Variants in NCOA2 observed in about 807,000 individuals in gnomAD.
The protein encoded by NCOA2 is nuclear receptor coactivator 2, also known as class E basic helix-loop-helix protein 75.
In NCOA2, 21 loss-of-function variants were observed where a neutral mutation model predicts 145.1. The observed-to-expected ratio is 0.14, with a 90% CI of 0.10 to 0.21. The LOEUF (loss-of-function observed/expected upper bound fraction) is 0.21. Among genes scored for constraint, NCOA2 ranks in the 10% least tolerant of loss-of-function variants. The probability of loss-of-function intolerance (pLI) is 1.00; values close to 1 mark genes in which losing one functional copy is unlikely to be tolerated. For synonymous variants in NCOA2, 619 were observed against 637.5 expected, an observed-to-expected ratio of 0.97 and a Z score of 0.44; for missense variants, 1,472 against 1,837.6, an observed-to-expected ratio of 0.80 and a Z score of 3.64.
At chr8:70,436,352 G>A in the NCOA2 span, among the ~76,000 whole-genome samples, 2 of 152,098 alleles carry the variant, frequency 1.3e-5, no homozygotes, top group African/African-American at 2.4e-5. Flanking sequence ...GTGAAAGTTG[G>A]TCAGGTATAA....
At position 70,139,468 on chromosome 8, in the gene NCOA2, A is replaced by G. The variant is rs528902348; in HGVS notation, c.3029-1136T>C. Among the ~76,000 whole-genome samples the G allele has an allele frequency of 3.9e-5, 6 of 152,298 alleles. No individual in the cohort carries two copies. In the South Asian group the frequency reaches 1.2e-3, roughly 32 times the overall value. ...TTAGCATTTTTCGTGCTGTCAAATT[A>G]TACAAATTTATGTTTGAGAATCACT... On this transcript the variant is annotated intron_variant, in intron 14 of 22. Transcript: ENST00000452400.
chr8:70,210,503 T>A lies in NCOA2; in HGVS notation c.259+3400A>T, dbSNP rs73289286. On this transcript the variant is annotated intron_variant, in intron 4 of 22. Coordinates refer to ENST00000452400, the MANE Select transcript of NCOA2 (RefSeq NM_006540.4). ...GTTTCTACAAAGTCCATTCCACAGT[T>A]AATGCTCTTGGAGGGCTAGCGTTTA... Among the ~76,000 whole-genome samples, 915 of 152,328 alleles carry A rather than the reference T, an allele frequency of 6.0e-3. 8 individuals carry two copies. Among genetic ancestry groups the A allele is most frequent in the African/African-American group, 0.021 (885 of 41,568 alleles).
chr8:70,156,647 G>A lies in NCOA2; in HGVS notation c.1718C>T (p.Pro573Leu), dbSNP rs777620838. Residue 573 changes from proline to leucine, a missense_variant, in exon 11 of 23, where the codon CCA (proline) becomes CTA (leucine). Transcript: ENST00000452400. ...GTCCAAGCTTCCCATCTTGCTGAGTGGGGGAGGATTCATATTAACTGGGGA... is the reference window on the plus strand; with the variant it reads ...GTCCAAGCTTCCCATCTTGCTGAGTAGGGGAGGATTCATATTAACTGGGGA... ...QNSPVNMNPP[P>L]LSKMGSLDSK... The A allele has an allele frequency of 2.5e-6, 4 of 1,613,950 alleles. No homozygotes were observed. Among genetic ancestry groups the A allele is most frequent in the Non-Finnish European group, 3.4e-6 (4 of 1,179,890 alleles).
chr8:70,250,433 G>C (rs888894957), intron 2 of NCOA2, among the ~76,000 whole-genome samples: 3 of 149,572 alleles, frequency 2.0e-5, no homozygotes, highest in Non-Finnish European at 4.4e-5. Context: ...TCAGCCGAGC[G>C]TGGTGGCACG....
At position 70,367,256 on chromosome 8, in the gene NCOA2, T is replaced by A. The variant is rs370752381; in HGVS notation, c.-77+36444A>T. On this transcript the variant is annotated intron_variant, in intron 1 of 22. Transcript: ENST00000452400. ...ATTTCCTTCTATAATGCTGACCTTG[T>A]TTAAGTTTGCATTTCATGAAAAGAC... 5.3e-5 allele frequency among the ~76,000 whole-genome samples: 8 copies of A among 152,336 alleles called. No homozygotes were observed. In the South Asian group the frequency reaches 1.7e-3, roughly 32 times the overall value.
chr8:70,328,210 T>C (rs1806767764), intron 1 of NCOA2, among the ~76,000 whole-genome samples: 1 of 152,218 alleles, frequency 6.6e-6, no homozygotes, highest in Non-Finnish European at 1.5e-5. Context: ...CAAGAACTTT[T>C]CAGCAGAATA....
At chr8:70,345,482 T>G (rs1808528196) in intron 1 of NCOA2, among the ~76,000 whole-genome samples, 1 of 152,180 alleles carries the variant, frequency 6.6e-6, no homozygotes, top group Admixed American at 6.5e-5. Flanking sequence ...AATGAAACCT[T>G]GACTTTTAGA....
intron 1 of NCOA2, among the ~76,000 whole-genome samples, chr8:70,382,511 TG>T (rs1812294513): frequency 6.6e-6 from 1 of 152,222 alleles, no homozygotes; most frequent in Non-Finnish European, 1.5e-5. Flanking sequence ...TTTGAATATC[TG>T]TTGCACCAGG....
chr8:70,366,927 A>C (rs903424087), intron 1 of NCOA2, among the ~76,000 whole-genome samples: 15 of 152,260 alleles, frequency 9.9e-5, no homozygotes, highest in African/African-American at 3.4e-4. Flanking sequence ...TTTTACCCCT[A>C]GATGTGCTAA....
intron 22 of NCOA2, among the ~76,000 whole-genome samples, chr8:70,119,208 C>T (rs1044446167): frequency 6.6e-6 from 1 of 152,134 alleles, no homozygotes; most frequent in Non-Finnish European, 1.5e-5. Flanking sequence ...TCCTCTCCTG[C>T]CCTCACAGTC....
At chr8:70,308,576 G>A (rs1227453107) in intron 1 of NCOA2, among the ~76,000 whole-genome samples, 1 of 151,994 alleles carries the variant, frequency 6.6e-6, no homozygotes, top group Middle Eastern at 3.2e-3. Flanking sequence ...TCTCCTCTGG[G>A]AATTTCTATT....
intron 2 of NCOA2, among the ~76,000 whole-genome samples, chr8:70,217,005 G>GC (rs1586139967): frequency 2.6e-5 from 4 of 152,148 alleles, no homozygotes; most frequent in African/African-American, 9.7e-5. Flanking sequence ...ACCTCATTGG[G>GC]CCCAAATTCT....
intron 21 of NCOA2, among the ~76,000 whole-genome samples, chr8:70,122,943 G>C (rs1213512799): frequency 2.0e-5 from 3 of 152,188 alleles, no homozygotes; most frequent in African/African-American, 7.2e-5. Flanking sequence ...TCAAGGTCTT[G>C]CCATATTTTT....
intron 1 of NCOA2, among the ~76,000 whole-genome samples, chr8:70,384,803 G>C (rs1165930190): frequency 6.6e-6 from 1 of 152,090 alleles, no homozygotes; most frequent in Non-Finnish European, 1.5e-5. Flanking sequence ...TGAAACCACA[G>C]GAATGTAACA....
upstream of NCOA2, among the ~76,000 whole-genome samples, chr8:70,407,725 G>A (rs1215973546): frequency 6.6e-6 from 1 of 152,098 alleles, no homozygotes; most frequent in Non-Finnish European, 1.5e-5. Context: ...TGAACCGGGA[G>A]GCGGAGGTTG....
At chr8:70,131,742 TA>T in intron 16 of NCOA2, 94 bp downstream of exon 16, 1 of 1,320,840 alleles carries the variant, frequency 7.6e-7, no homozygotes, top group Non-Finnish European at 1.0e-6. Flanking sequence ...CAATATATTC[TA>T]AAAAGCAGAC....
intron 22 of NCOA2, among the ~76,000 whole-genome samples, chr8:70,116,000 C>T (rs1807064850): frequency 6.7e-6 from 1 of 150,370 alleles, no homozygotes; most frequent in Non-Finnish European, 1.5e-5. Flanking sequence ...TCCTGGCTAA[C>T]ACGGTGAAAC....
At chr8:70,327,416 T>C (rs913545943) in intron 1 of NCOA2, among the ~76,000 whole-genome samples, 10 of 152,326 alleles carry the variant, frequency 6.6e-5, no homozygotes, top group Middle Eastern at 3.4e-3. Context: ...ATTCAAATAT[T>C]GTCCAAAGGA....
chr8:70,154,663 A>T (rs1029260048), intron 11 of NCOA2, among the ~76,000 whole-genome samples: 7 of 152,124 alleles, frequency 4.6e-5, no homozygotes, highest in Non-Finnish European at 1.0e-4. Context: ...TTGGCCTCCC[A>T]AAGTGTTGGG....
Sources: gnomAD v4.1 joint callset for allele counts (sites outside exome capture counted in the v4.1 genomes callset) on GRCh38, gnomAD v4.1.1 for gene constraint, MANE v1.5 for transcripts, NCBI Gene and HGNC (gene_info 2026-07-23, HGNC 2026-07-21) for gene names.